Variants in SYBU observed in about 807,000 individuals in gnomAD.
The protein encoded by SYBU is syntabulin.
In SYBU, 21 loss-of-function variants were observed where a neutral mutation model predicts 35.9. That is an observed-to-expected ratio of 0.58 (90% CI 0.41 to 0.84). The LOEUF (loss-of-function observed/expected upper bound fraction) is 0.84, where lower values mean the gene tolerates loss of function less well. SYBU is among the 40% of genes least tolerant of loss of function. The probability of loss-of-function intolerance (pLI) is 0.00; values close to 1 mark genes in which losing one functional copy is unlikely to be tolerated. For missense variants in SYBU, 768 were observed against 848.2 expected (o/e 0.91, Z 1.17); for synonymous variants, 319 against 324.3 (o/e 0.98, Z 0.18).
At chr8:109,623,958 T>C (rs1235196688) in intron 2 of SYBU, among the ~76,000 whole-genome samples, 1 of 152,230 alleles carries the variant, frequency 6.6e-6, no homozygotes, top group Non-Finnish European at 1.5e-5. Context: ...GTTTGCTTTT[T>C]GTTTTATCAA....
chr8:109,583,360 T>G (rs1168591419), intron 4 of SYBU, among the ~76,000 whole-genome samples: 1 of 152,124 alleles, frequency 6.6e-6, no homozygotes, highest in African/African-American at 2.4e-5. Flanking sequence ...AATCCCAAGG[T>G]TTTTCTTTTT....
chr8:109,618,865 G>A lies in SYBU; in HGVS notation c.404C>T (p.Ser135Leu). 6.2e-7 allele frequency: 1 copy of A among 1,614,134 alleles called. No homozygotes were observed. Among genetic ancestry groups the A allele is most frequent in the Non-Finnish European group, 8.5e-7 (1 of 1,179,988 alleles). ...ACCTGGTTTCACAAGGCCTGACTTTGATTCCTTCTTATATCGAGAGGACTG... is the reference window on the plus strand; with the variant it reads ...ACCTGGTTTCACAAGGCCTGACTTTAATTCCTTCTTATATCGAGAGGACTG... ...SIQSSRYKKE[S>L]KSGLVKPGSE... Residue 135 changes from serine to leucine, a missense_variant, in exon 3 of 7, where the codon TCA (serine) becomes TTA (leucine). Coordinates refer to ENST00000276646, the MANE Select transcript of SYBU (RefSeq NM_001099754.2).
Position 109,577,894 on chromosome 8 carries a change from C to T in SYBU, c.858G>A (p.Lys286=). ...TTTCATGGAGTCGGCGCTCAGATTC[C>T]TTCAGCTTGGTTTTGAGGTGTCTCA... ...VTVRHLKTKL[K]ESERRLHERE... is the part of the protein sequence containing the mutation. Residue 286 remains lysine (K), a synonymous_variant, in exon 6 of 7, where the codon AAG becomes AAA. Transcript: ENST00000276646. 1 of 1,613,666 alleles carries T rather than the reference C, an allele frequency of 6.2e-7. No homozygotes were observed. The highest frequency in any genetic ancestry group is 8.5e-7 in the Non-Finnish European group (1 of 1,179,802).
At chr8:109,633,256 C>G (rs6469273) in intron 2 of SYBU, among the ~76,000 whole-genome samples, 43,589 of 151,998 alleles carry the variant, frequency 0.29, 6,716 homozygotes, top group East Asian at 0.41. Context: ...CTGAGAGTCA[C>G]GTCAGTCTCT....
chr8:109,602,592 C>A (rs896583517), intron 3 of SYBU, among the ~76,000 whole-genome samples: 3 of 152,020 alleles, frequency 2.0e-5, no homozygotes, highest in Middle Eastern at 3.4e-3. Context: ...TGCCACCACA[C>A]CCGGTTAATT....
intron 4 of SYBU, chr8:109,580,449 G>T (rs1335726015): frequency 1.2e-5 from 2 of 172,708 alleles, no homozygotes; most frequent in African/African-American, 4.8e-5. Flanking sequence ...TTTGGAGGAT[G>T]GGGGAAGGTG....
chr8:109,691,459 C>T lies in SYBU; in HGVS notation c.-184G>A, dbSNP rs945361845. 9.7e-6 allele frequency: 6 copies of T among 618,848 alleles called. No individual in the cohort carries two copies. The highest frequency in any genetic ancestry group is 1.4e-5 in the Non-Finnish European group (5 of 351,410). The allele number at this position is 618,848 out of a possible 1,614,324, so 38.3% of individuals were successfully genotyped here. Reference sequence around the variant, plus strand: ...GACCCCGCGTCGCTGCTGGTTTGCGCTCAGGCCCGGGGAGCCGGGCCCGGC... The same window carrying T: ...GACCCCGCGTCGCTGCTGGTTTGCGTTCAGGCCCGGGGAGCCGGGCCCGGC... On this transcript the variant is annotated 5_prime_UTR_variant, in exon 1 of 8. Transcript: ENST00000422135. This position sits in a 1 kb window ranked among gnomAD's most constrained non-coding sequence, Gnocchi z 4.7.
At chr8:109,606,955 T>C (rs750002280) in intron 3 of SYBU, among the ~76,000 whole-genome samples, 3 of 152,122 alleles carry the variant, frequency 2.0e-5, no homozygotes, top group Non-Finnish European at 4.4e-5. Context: ...TATACTAATA[T>C]AGTATATGTT....
At chr8:109,635,615 A>G (rs1814137494) in intron 2 of SYBU, among the ~76,000 whole-genome samples, 1 of 152,152 alleles carries the variant, frequency 6.6e-6, no homozygotes, top group Non-Finnish European at 1.5e-5. Flanking sequence ...ATTCCATATT[A>G]TTCATTCAGT....
intron 1 of SYBU, among the ~76,000 whole-genome samples, chr8:109,671,886 G>T (rs1816993358): frequency 6.6e-6 from 1 of 152,092 alleles, no homozygotes; most frequent in African/African-American, 2.4e-5. Context: ...ACTCATTTAT[G>T]AAGTCAAAAT....
intron 2 of SYBU, among the ~76,000 whole-genome samples, chr8:109,633,320 C>A (rs1484957228): frequency 1.3e-5 from 2 of 152,088 alleles, no homozygotes; most frequent in Non-Finnish European, 2.9e-5. Flanking sequence ...AAAGGCTGAG[C>A]CAGCTGGTAA....
chr8:109,642,412 TCTG>T (rs1815003907), intron 2 of SYBU, among the ~76,000 whole-genome samples: 1 of 152,312 alleles, frequency 6.6e-6, no homozygotes, highest in East Asian at 1.9e-4. Context: ...ACCTGCATGT[TCTG>T]CACGTGTATC....
chr8:109,644,592 G>T, intron 1 of SYBU, 44 bp downstream of exon 1: 3 of 1,537,644 alleles, frequency 2.0e-6, no homozygotes, highest in Non-Finnish European at 2.6e-6. Flanking sequence ...CGCAGTGCCC[G>T]CCTTCCCCGC....
rs1822168822 is a variant in SYBU, at chr8:109,575,563, T to C, written c.1335A>G (p.Ile445Met). 1.9e-6 allele frequency: 3 copies of C among 1,614,142 alleles called. No homozygotes were observed. Among genetic ancestry groups the C allele is most frequent in the Non-Finnish European group, 2.5e-6 (3 of 1,180,014 alleles). Residue 445 changes from isoleucine to methionine, a missense_variant, in exon 7 of 7, where the codon ATA becomes ATG. By Grantham distance (10) the Ile-to-Met change is conservative. Transcript: ENST00000276646. The part of the protein sequence containing the change: ...IANSTDLFDE[I>M]VTATTTESGD... ...CAGATTCTGTGGTGGTGGCTGTCAC[T>C]ATCTCATCGAACAAATCTGTGCTGT...
rs762824941 is a variant in SYBU, at chr8:109,618,939, G to A, written c.330C>T (p.Gly110=). Residue 110 remains glycine (G), a synonymous_variant, in exon 3 of 7, where the codon GGC becomes GGT. Transcript: ENST00000276646. ...PIGFCPGSDE[G]FTRKKCTIGM... is the part of the protein sequence containing the mutation. Reference sequence around the variant, plus strand: ...CAATCGTGCATTTCTTTCTGGTGAAGCCTTCATCACTTCCAGGGCAAAAGC... The same window carrying A: ...CAATCGTGCATTTCTTTCTGGTGAAACCTTCATCACTTCCAGGGCAAAAGC... The A allele has an allele frequency of 6.8e-6, 11 of 1,614,030 alleles. No homozygotes were observed. Among genetic ancestry groups the A allele is most frequent in the Non-Finnish European group, 8.5e-6 (10 of 1,180,010 alleles).
chr8:109,691,352 C>T lies in SYBU; in HGVS notation c.-77G>A, dbSNP rs1379633221. 1 of 701,910 alleles carries T rather than the reference C, an allele frequency of 1.4e-6. No homozygotes were observed. Among genetic ancestry groups the T allele is most frequent in the Non-Finnish European group, 2.6e-6 (1 of 384,634 alleles). 43.5% of individuals were successfully genotyped at this position (701,910 alleles called of 1,614,324 possible). A position where few individuals can be genotyped will look rare whatever the true frequency, so the allele number is the denominator to read the frequency against. On this transcript the variant is annotated 5_prime_UTR_variant, in exon 1 of 8. Coordinates refer to the SYBU transcript ENST00000422135. This position sits in a 1 kb window ranked among gnomAD's most constrained non-coding sequence, Gnocchi z 4.7. ...TCTTACCCTTTCTCGCCCAGAAGGG[C>T]CCCATCGCGCTGTCCAGGAGGAGGC...
At chr8:109,612,388 T>C (rs939314813) in intron 3 of SYBU, among the ~76,000 whole-genome samples, 1 of 152,222 alleles carries the variant, frequency 6.6e-6, no homozygotes, top group Non-Finnish European at 1.5e-5. Flanking sequence ...CAGCCTGTAT[T>C]TGAGGCTCGG....
chr8:109,597,652 T>C (rs113071898), intron 3 of SYBU, among the ~76,000 whole-genome samples: 2,282 of 152,204 alleles, frequency 0.015, 49 homozygotes, highest in African/African-American at 0.052. Flanking sequence ...AGGTTGAGGC[T>C]GCAGTGAGCC....
At chr8:109,625,220 CAAAGA>C (rs1386490315) in intron 2 of SYBU, among the ~76,000 whole-genome samples, 2 of 152,002 alleles carry the variant, frequency 1.3e-5, no homozygotes, top group Non-Finnish European at 2.9e-5. Context: ...AATGTTTCCA[CAAAGA>C]AAAGAGACAT....
Sources: gnomAD v4.1 joint callset for allele counts (sites outside exome capture counted in the v4.1 genomes callset) on GRCh38, gnomAD v4.1.1 for gene constraint, Gnocchi (gnomAD v3.1) non-coding constraint, MANE v1.5 for transcripts, NCBI Gene and HGNC (gene_info 2026-07-23, HGNC 2026-07-21) for gene names.